Variants in OTOGL observed in about 807,000 individuals in gnomAD.
OTOGL encodes the protein otogelin-like protein.
A neutral mutation model predicts 318.5 loss-of-function variants in OTOGL; 285 were observed. The ratio of observed to expected loss-of-function variants is 0.89; its 90% CI spans 0.81 to 0.99. OTOGL has a LOEUF of 0.99. Among genes scored for constraint, OTOGL ranks in the 50% least tolerant of loss-of-function variants. The pLI is 0.00. For synonymous variants in OTOGL, 987 were observed against 936.5 expected (o/e 1.05, Z -0.99); for missense variants, 2,899 against 2,845.6 (o/e 1.02, Z -0.43).
At chr12:80,124,133 G>A (rs1485808967) in intron 1 of OTOGL, among the ~76,000 whole-genome samples, 1 of 152,030 alleles carries the variant, frequency 6.6e-6, no homozygotes, top group East Asian at 1.9e-4. Flanking sequence ...CCCGAATGGT[G>A]TTGCCTAGGT....
At chr12:80,315,458 T>C (rs1434125415) in intron 32 of OTOGL, among the ~76,000 whole-genome samples, 1 of 152,186 alleles carries the variant, frequency 6.6e-6, no homozygotes, top group Non-Finnish European at 1.5e-5. Context: ...TACTTGAAGA[T>C]AGCAGAATTG....
intron 1 of OTOGL, among the ~76,000 whole-genome samples, chr12:80,168,445 T>TG (rs543567441): frequency 5.5e-4 from 84 of 152,260 alleles, no homozygotes; most frequent in African/African-American, 1.9e-3. Context: ...TGCTATTTTT[T>TG]GGGGGGATCA....
At chr12:80,118,245 A>C (rs958837358) in intron 1 of OTOGL, among the ~76,000 whole-genome samples, 1 of 152,142 alleles carries the variant, frequency 6.6e-6, no homozygotes, top group African/African-American at 2.4e-5. Context: ...CAAGATAACC[A>C]TGTTTTGTGC....
Position 80,219,685 on chromosome 12 carries a change from A to T in OTOGL, c.236-129A>T. ...TTGGGTTTAGTTCTTTAGCTTAGCA[A>T]GGCAAGAGGCTGAGAGTTCTGTTTA... is the stretch of plus-strand genomic sequence containing the variant. On this transcript the variant is annotated intron_variant, in intron 5 of 58. Transcript: ENST00000547103. 4.4e-6 allele frequency: 3 copies of T among 683,236 alleles called. 1 individual carries two copies. The South Asian group carries it at 5.0e-5, about 11-fold the overall frequency. The allele number at this position is 683,236 out of a possible 1,614,324, so 42.3% of individuals were successfully genotyped here.
intron 52 of OTOGL, among the ~76,000 whole-genome samples, chr12:80,365,281 G>C (rs990376079): frequency 2.0e-5 from 3 of 152,110 alleles, no homozygotes; most frequent in Non-Finnish European, 4.4e-5. Flanking sequence ...CTTTACAGGA[G>C]AGGGATGTTC....
Position 80,353,440 on chromosome 12 carries a change from C to T in OTOGL, c.5523C>T (p.Asp1841=). The T allele has an allele frequency of 6.2e-7, 1 of 1,604,136 alleles. No individual in the cohort carries two copies. Among genetic ancestry groups the T allele is most frequent in the South Asian group, 1.1e-5 (1 of 88,878 alleles). ...CTTCCTGTTTGAATCTAAGAGAAGA[C>T]TGTGTGTGCAAAGTTGGAACTATTC... ...GHTSCLNLRE[D]CVCKVGTILH... is the part of the protein sequence containing the mutation. The change falls in exon 46 of 59, where the codon GAC becomes GAT. Residue 1841 remains aspartate (D), a synonymous_variant. Transcript: ENST00000547103.
At chr12:80,107,104 G>T (rs545788751) in intron 1 of OTOGL, among the ~76,000 whole-genome samples, 29 of 152,106 alleles carry the variant, frequency 1.9e-4, no homozygotes, top group Non-Finnish European at 4.3e-4. Flanking sequence ...TGGCAAATTA[G>T]TTGTAAACTG....
intron 20 of OTOGL, 111 bp from the exon 21 acceptor site, chr12:80,266,340 C>T: frequency 8.8e-7 from 1 of 1,136,534 alleles, no homozygotes; most frequent in Non-Finnish European, 1.2e-6. Context: ...CTCCCAATTC[C>T]TTGCCTTGTA....
intron 49 of OTOGL, among the ~76,000 whole-genome samples, chr12:80,357,238 G>A (rs966409737): frequency 6.6e-5 from 10 of 152,092 alleles, no homozygotes; most frequent in African/African-American, 2.4e-4. Flanking sequence ...CTTGAATAAT[G>A]GGCTCTGCTA....
chr12:80,232,534 A>T (rs1204708551), intron 8 of OTOGL, among the ~76,000 whole-genome samples: 1 of 152,232 alleles, frequency 6.6e-6, no homozygotes, highest in Non-Finnish European at 1.5e-5. Context: ...AATAATAAAC[A>T]TGTTTAAGCT....
intron 1 of OTOGL, among the ~76,000 whole-genome samples, chr12:80,175,739 A>C (rs961651747): frequency 6.6e-6 from 1 of 152,182 alleles, no homozygotes; most frequent in Non-Finnish European, 1.5e-5. Flanking sequence ...TGATGAAACC[A>C]GTATCAAGGT....
At chr12:80,164,088 A>G (rs915065289) in intron 1 of OTOGL, among the ~76,000 whole-genome samples, 1 of 152,274 alleles carries the variant, frequency 6.6e-6, no homozygotes, top group South Asian at 2.1e-4. Context: ...TCTTGGCTCT[A>G]CTGTGTAACT....
At chr12:80,360,816 G>C (rs1890197855) in intron 52 of OTOGL, among the ~76,000 whole-genome samples, 1 of 151,960 alleles carries the variant, frequency 6.6e-6, no homozygotes, top group South Asian at 2.1e-4. Flanking sequence ...ACTAGAACCA[G>C]TATACAATCT....
chr12:80,215,400 C>T (rs1226354968), intron 4 of OTOGL, among the ~76,000 whole-genome samples: 1 of 151,910 alleles, frequency 6.6e-6, no homozygotes, highest in Non-Finnish European at 1.5e-5. Flanking sequence ...CTCCTGACCT[C>T]AGGAGATCCA....
intron 29 of OTOGL, among the ~76,000 whole-genome samples, chr12:80,308,150 A>G (rs1220378353): frequency 9.4e-6 from 1 of 106,332 alleles, no homozygotes; most frequent in African/African-American, 3.7e-5. Context: ...GGGGGCTGAC[A>G]CCCCCACCTC....
chr12:80,212,483 G>T (rs1877341925), intron 4 of OTOGL, among the ~76,000 whole-genome samples: 1 of 152,154 alleles, frequency 6.6e-6, no homozygotes, highest in South Asian at 2.1e-4. Context: ...CTCTGAATAG[G>T]TAACTTTTTT....
chr12:80,313,375 GATA>G, intron 30 of OTOGL, 98 bp from the exon 31 acceptor site: 2 of 1,164,278 alleles, frequency 1.7e-6, no homozygotes, highest in Non-Finnish European at 2.4e-6. Flanking sequence ...GTGTTAAGCT[GATA>G]ATATCAAACT....
At chr12:80,329,449 C>T (rs1416303366) in intron 37 of OTOGL, among the ~76,000 whole-genome samples, 1 of 152,182 alleles carries the variant, frequency 6.6e-6, no homozygotes, top group Non-Finnish European at 1.5e-5. Context: ...GTGTAGATTC[C>T]TTGGACTTCC....
intron 1 of OTOGL, among the ~76,000 whole-genome samples, chr12:80,126,912 T>G (rs1489710712): frequency 6.6e-6 from 1 of 152,172 alleles, no homozygotes; most frequent in Non-Finnish European, 1.5e-5. Flanking sequence ...TCCTCCACCC[T>G]TTTATTTTGA....
Sources: gnomAD v4.1 joint callset for allele counts (sites outside exome capture counted in the v4.1 genomes callset) on GRCh38, gnomAD v4.1.1 for gene constraint, MANE v1.5 for transcripts, NCBI Gene and HGNC (gene_info 2026-07-23, HGNC 2026-07-21) for gene names.